BNIP1: variants seen among roughly 807,000 people sequenced by gnomAD.
BNIP1 encodes vesicle transport protein SEC20.
A neutral mutation model predicts 28.5 loss-of-function variants in BNIP1; 25 were observed. The observed-to-expected ratio is 0.88, with a 90% CI of 0.64 to 1.23. The LOEUF (loss-of-function observed/expected upper bound fraction) is 1.23. Ranked by LOEUF, BNIP1 falls within the 50% of genes most tolerant of loss-of-function variation. The pLI is 0.00. For synonymous variants in BNIP1, 118 were observed against 101.7 expected, an observed-to-expected ratio of 1.16 and a Z score of -0.96; for missense variants, 276 against 277.0, an observed-to-expected ratio of 1.00 and a Z score of 0.02.
Position 173,164,006 on chromosome 5 carries a change from C to A in BNIP1, c.*85C>A. On this transcript the variant is annotated 3_prime_UTR_variant, in exon 6 of 6. Coordinates refer to ENST00000351486, the MANE Select transcript of BNIP1 (RefSeq NM_001205.3). The surrounding 1 kb of genome is among the most constrained non-coding windows in gnomAD (Gnocchi z 4.0). ...CTGAGCTCTAGGCTGCTAAGCTGAG[C>A]CACACACCCCTCCGTTTGCACCAGT... is the stretch of plus-strand genomic sequence containing the variant. The A allele has an allele frequency of 1.5e-6, 2 of 1,335,430 alleles. No individual in the cohort carries two copies. Among genetic ancestry groups the A allele is most frequent in the Non-Finnish European group, 2.0e-6 (2 of 992,804 alleles). 82.7% of individuals were successfully genotyped at this position (1,335,430 alleles called of 1,614,324 possible).
At chr5:173,161,595 G>A (rs192142948) in intron 5 of BNIP1, 1 of 152,220 alleles carries the variant, frequency 6.6e-6, no homozygotes, top group Non-Finnish European at 1.5e-5. Flanking sequence ...TTGAAGAAAA[G>A]AGAAGAATAC....
At chr5:173,146,825 T>C (rs745703081) in intron 1 of BNIP1, 41 bp from the exon 2 acceptor site, 2 of 1,464,258 alleles carry the variant, frequency 1.4e-6, no homozygotes, top group Non-Finnish European at 1.9e-6. Context: ...TTTCATTTCA[T>C]TGCCTTGAGA....
chr5:173,145,593 C>CG (rs1217989248), intron 1 of BNIP1, among the ~76,000 whole-genome samples: 1 of 152,062 alleles, frequency 6.6e-6, no homozygotes, highest in Non-Finnish European at 1.5e-5. Context: ...TTAGTAGAGA[C>CG]GGGGTTTCAC....
chr5:173,160,488 C>T (rs1296696397), intron 5 of BNIP1, among the ~76,000 whole-genome samples: 2 of 152,204 alleles, frequency 1.3e-5, no homozygotes, highest in Non-Finnish European at 2.9e-5. Flanking sequence ...CCTGCCTCAG[C>T]CTCCCAAAGT....
chr5:173,160,477 G>A (rs5745161), intron 5 of BNIP1, among the ~76,000 whole-genome samples: 1,754 of 152,180 alleles, frequency 0.012, 24 homozygotes, highest in South Asian at 0.072. Context: ...CAGGTGATCC[G>A]CCTGCCTCAG....
At position 173,163,787 on chromosome 5, in the gene BNIP1, C is replaced by A. The variant is rs1369689018; in HGVS notation, c.553C>A (p.Gln185Lys). The A allele has an allele frequency of 2.5e-6, 4 of 1,613,664 alleles. No individual in the cohort carries two copies. The South Asian group carries it at 3.3e-5, about 13-fold the overall frequency. Residue 185 changes from glutamine (Q) to lysine (K), a missense_variant, in exon 6 of 6, where the codon CAG becomes AAG. Transcript: ENST00000351486. ...ATTTAAGTCCATGTCGGGCACCATC[C>A]AGCTGGGCCGGAAGCTTATCACAAA... ...EEFKSMSGTI[Q>K]LGRKLITKYN...
chr5:173,162,280 C>A (rs1760383731), intron 5 of BNIP1, among the ~76,000 whole-genome samples: 1 of 152,148 alleles, frequency 6.6e-6, no homozygotes, highest in African/African-American at 2.4e-5. Context: ...ATATTAAAAA[C>A]TATTGAGATA....
chr5:173,161,363 G>A (rs1007636584), intron 5 of BNIP1: 10 of 152,916 alleles, frequency 6.5e-5, no homozygotes, highest in African/African-American at 2.4e-4. Context: ...TCTGGGCTCG[G>A]AACCAGCCAG....
intron 5 of BNIP1, chr5:173,161,894 A>G (rs1760374339): frequency 1.3e-5 from 2 of 152,244 alleles, no homozygotes; most frequent in Admixed American, 1.3e-4. Flanking sequence ...TTAGATTTTT[A>G]CTTAGCAAGA....
intron 3 of BNIP1, among the ~76,000 whole-genome samples, chr5:173,157,753 CT>C (rs1016910434): frequency 1.3e-5 from 2 of 152,102 alleles, no homozygotes; most frequent in African/African-American, 4.8e-5. Context: ...TGTTCACCAA[CT>C]TTCCGTTATC....
chr5:173,151,252 G>T (rs1036469690), intron 2 of BNIP1, among the ~76,000 whole-genome samples: 2 of 151,610 alleles, frequency 1.3e-5, no homozygotes, highest in African/African-American at 4.8e-5. Flanking sequence ...AGGGTCTTGG[G>T]CTGTCACCCA....
rs773099039 is a variant in BNIP1, at chr5:173,163,745, C to T, written c.511C>T (p.Leu171=). The part of the protein sequence containing the change: ...QSLVTSSRTI[L]DANEEFKSMS... ...TTCAGTCACTTCTTCACGAACGATC[C>T]TGGATGCAAATGAAGAATTTAAGTC... Residue 171 remains leucine, a synonymous_variant, in exon 6 of 6, where the codon CTG becomes TTG. Transcript: ENST00000351486. The T allele has an allele frequency of 3.1e-5, 50 of 1,608,472 alleles. No homozygotes were observed. The highest frequency in any genetic ancestry group is 4.1e-5 in the Non-Finnish European group (48 of 1,177,158).
At chr5:173,154,667 C>T (rs776847665) in intron 3 of BNIP1, among the ~76,000 whole-genome samples, 2 of 152,058 alleles carry the variant, frequency 1.3e-5, no homozygotes, top group Non-Finnish European at 2.9e-5. Flanking sequence ...GGATTACAGG[C>T]GCCCACCATC....
At chr5:173,160,144 C>A in intron 5 of BNIP1, 93 bp downstream of exon 5, 1 of 1,150,374 alleles carries the variant, frequency 8.7e-7, no homozygotes, top group South Asian at 1.4e-5. Context: ...TCCACCACAG[C>A]CCACACGATG....
At chr5:173,150,688 G>T (rs1759991305) in intron 2 of BNIP1, among the ~76,000 whole-genome samples, 1 of 152,060 alleles carries the variant, frequency 6.6e-6, no homozygotes. Flanking sequence ...CTTCCAAACA[G>T]GTAACCACTT....
At chr5:173,151,093 C>T (rs1297627430) in intron 2 of BNIP1, among the ~76,000 whole-genome samples, 1 of 152,170 alleles carries the variant, frequency 6.6e-6, no homozygotes, top group African/African-American at 2.4e-5. Context: ...CCTCAGCCTC[C>T]CAAAGTGCTG....
rs781757511 is a variant in BNIP1, at chr5:173,146,921, TA to T, written c.144del (p.Glu49ArgfsTer61). ...LSALTELNTK[V>X]KEKFQQLRHR... ...GCTCTTACTGAACTGAATACTAAAG[TA>T]AAAGAGAAATTTCAACAGTTGCGTC... is the stretch of plus-strand genomic sequence containing the variant. On this transcript the variant is annotated frameshift_variant, in exon 2 of 6. Transcript: ENST00000351486. LOFTEE classifies it high-confidence loss of function. 6.2e-7 allele frequency: 1 copy of T among 1,613,832 alleles called. No homozygotes were observed. Among genetic ancestry groups the T allele is most frequent in the East Asian group, 2.2e-5 (1 of 44,860 alleles).
chr5:173,151,653 C>T, intron 2 of BNIP1: 3 of 1,613,226 alleles, frequency 1.9e-6, no homozygotes, highest in Non-Finnish European at 2.5e-6. Flanking sequence ...TTCTTCAACT[C>T]AGCATGACTT....
intron 5 of BNIP1, 61 bp from the exon 6 acceptor site, chr5:173,163,664 T>G: frequency 2.5e-5 from 36 of 1,449,466 alleles, no homozygotes; most frequent in Non-Finnish European, 2.9e-5. Context: ...GCCAGCAGAG[T>G]GAGGTCTTTG....
Sources: allele counts gnomAD v4.1 joint callset (sites outside exome capture counted in the v4.1 genomes callset), GRCh38; gene constraint gnomAD v4.1.1; non-coding constraint Gnocchi (gnomAD v3.1); transcripts MANE v1.5; gene names NCBI Gene and HGNC (gene_info 2026-07-23, HGNC 2026-07-21).